Variants in ST7 observed in about 807,000 individuals in gnomAD.
ST7 encodes suppression of tumorigenicity 7.
In ST7, 28 loss-of-function variants were observed where a neutral mutation model predicts 78.7. That is an observed-to-expected ratio of 0.36 (90% confidence interval 0.26 to 0.49). ST7 has a LOEUF of 0.49. ST7 is among the 20% of genes least tolerant of loss of function. The probability of loss-of-function intolerance (pLI) is 0.99; values close to 1 mark genes in which losing one functional copy is unlikely to be tolerated. For synonymous variants in ST7, 247 were observed against 249.6 expected (o/e 0.99, Z 0.10); for missense variants, 418 against 696.0 (o/e 0.60, Z 4.49).
intron 1 of ST7, among the ~76,000 whole-genome samples, chr7:116,977,844 C>T (rs563846974): frequency 6.6e-6 from 1 of 152,320 alleles, no homozygotes; most frequent in East Asian, 1.9e-4. Flanking sequence ...TGAGCCACCG[C>T]GCCCGGCCGA....
At chr7:117,079,172 A>G (rs1015496519) in intron 1 of ST7, among the ~76,000 whole-genome samples, 5 of 152,228 alleles carry the variant, frequency 3.3e-5, no homozygotes, top group African/African-American at 1.2e-4. Context: ...GAGTAAAACA[A>G]TAGAGTAAAT....
chr7:116,964,714 G>T (rs920823985), intron 1 of ST7, among the ~76,000 whole-genome samples: 30 of 152,192 alleles, frequency 2.0e-4, no homozygotes, highest in African/African-American at 7.0e-4. Flanking sequence ...TTTAAGGAAA[G>T]TATTTTAAAT....
intron 2 of ST7, among the ~76,000 whole-genome samples, chr7:117,111,216 T>C (rs1354908893): frequency 6.6e-6 from 1 of 152,188 alleles, no homozygotes; most frequent in African/African-American, 2.4e-5. Flanking sequence ...GATCAGGTGC[T>C]CTGCAAAATA....
intron 1 of ST7, chr7:116,968,658 A>T (rs985971596): frequency 1.1e-5 from 2 of 182,306 alleles, no homozygotes; most frequent in South Asian, 2.3e-4. Flanking sequence ...ATCTTGAGAT[A>T]TTGAGCACTC....
intron 1 of ST7, among the ~76,000 whole-genome samples, chr7:117,006,867 A>T (rs1795178059): frequency 6.6e-6 from 1 of 152,134 alleles, no homozygotes; most frequent in Admixed American, 6.5e-5. Context: ...GTGATCTTTG[A>T]TGTTAGTATT....
intron 1 of ST7, among the ~76,000 whole-genome samples, chr7:116,993,457 G>A (rs1022094180): frequency 3.9e-5 from 6 of 152,108 alleles, no homozygotes; most frequent in South Asian, 2.1e-4. Flanking sequence ...TGGGGAAAAC[G>A]GCCCCCATGA....
intron 1 of ST7, among the ~76,000 whole-genome samples, chr7:116,997,615 T>C (rs1794726344): frequency 6.6e-6 from 1 of 151,914 alleles, no homozygotes; most frequent in Non-Finnish European, 1.5e-5. Context: ...ATAAAGATTC[T>C]CCAAGTCTCC....
At chr7:117,027,463 A>AAAAGTTAAAGTAAAGTAAAGTAAAGT (rs1554427203) in intron 1 of ST7, among the ~76,000 whole-genome samples, 1 of 140,630 alleles carries the variant, frequency 7.1e-6, no homozygotes, top group Non-Finnish European at 1.5e-5. Flanking sequence ...AAAGTAAAGT[A>AAAAGTTAAAGTAAAGTAAAGTAAAGT]AAAGTAAAGT....
intron 10 of ST7, chr7:117,182,783 A>G (rs1403975227): frequency 1.3e-5 from 2 of 152,204 alleles, no homozygotes; most frequent in Non-Finnish European, 2.9e-5. Flanking sequence ...TTTCATTTCT[A>G]ATTCTCATAT....
At chr7:117,104,998 A>C (rs1801843514) in intron 2 of ST7, among the ~76,000 whole-genome samples, 1 of 152,220 alleles carries the variant, frequency 6.6e-6, no homozygotes, top group African/African-American at 2.4e-5. Context: ...GTGGAGAAAC[A>C]AGTTGTGGGA....
chr7:117,183,437 T>TA (rs1336693987), intron 10 of ST7, among the ~76,000 whole-genome samples: 70 of 150,646 alleles, frequency 4.6e-4, no homozygotes, highest in African/African-American at 1.7e-3. Context: ...AAAAAAAAAA[T>TA]TATATATATA....
intron 1 of ST7, among the ~76,000 whole-genome samples, chr7:116,963,566 A>G (rs1792940348): frequency 6.6e-6 from 1 of 152,054 alleles, no homozygotes; most frequent in Non-Finnish European, 1.5e-5. Flanking sequence ...TCCATTCTGA[A>G]TTAACTGAAA....
At chr7:117,061,217 G>C (rs1798336900) in intron 1 of ST7, among the ~76,000 whole-genome samples, 1 of 152,182 alleles carries the variant, frequency 6.6e-6, no homozygotes, top group Admixed American at 6.5e-5. Context: ...TTGGGTCTCT[G>C]AGATGTGTGG....
At chr7:117,191,981 A>C (rs1265644414) in intron 12 of ST7, among the ~76,000 whole-genome samples, 1 of 152,162 alleles carries the variant, frequency 6.6e-6, no homozygotes, top group Non-Finnish European at 1.5e-5. Context: ...ATTTTACTCA[A>C]GTCTAGGTCA....
rs1026429529 is a variant in ST7 at position 116,955,928 on chromosome 7, T to G, written c.151+2237T>G. On this transcript the variant is annotated intron_variant, in intron 1 of 15. Transcript: ENST00000323984. The stretch of plus-strand genomic sequence containing the variant: ...GCTAGACACATGATAGAAGACCTGA[T>G]GATGCTGGACTTTTCAGTTTGGTTT... Among the ~76,000 whole-genome samples, 46 of 152,184 alleles carry G rather than the reference T, an allele frequency of 3.0e-4. 1 individual carries two copies. Among genetic ancestry groups the G allele is most frequent in the Non-Finnish European group, 1.5e-5 (1 of 68,028 alleles).
chr7:116,995,995 C>G (rs1794633027), intron 1 of ST7, among the ~76,000 whole-genome samples: 1 of 151,894 alleles, frequency 6.6e-6, no homozygotes. Flanking sequence ...TAGGATTAGA[C>G]TAGAGTTCCT....
At chr7:117,210,418 G>A (rs1274879207) in intron 13 of ST7, among the ~76,000 whole-genome samples, 1 of 152,226 alleles carries the variant, frequency 6.6e-6, no homozygotes, top group Non-Finnish European at 1.5e-5. Context: ...AGTGGCCATT[G>A]AACCCTGGTG....
At chr7:117,132,195 T>C (rs906636434) in intron 6 of ST7, among the ~76,000 whole-genome samples, 3 of 151,814 alleles carry the variant, frequency 2.0e-5, no homozygotes, top group African/African-American at 7.2e-5. Flanking sequence ...ATTAATTTCT[T>C]GAAGGGCTAT....
At chr7:117,196,613 A>C (rs1046947172) in intron 12 of ST7, among the ~76,000 whole-genome samples, 1 of 132,216 alleles carries the variant, frequency 7.6e-6, no homozygotes, top group African/African-American at 3.0e-5. Context: ...TCAGATAATC[A>C]GATTGTTGGG....
Sources: allele counts gnomAD v4.1 joint callset (sites outside exome capture counted in the v4.1 genomes callset), GRCh38; gene constraint gnomAD v4.1.1; transcripts MANE v1.5; gene names NCBI Gene and HGNC (gene_info 2026-07-23, HGNC 2026-07-21).